ANAPC10: variants seen among roughly 807,000 people sequenced by gnomAD.
ANAPC10 encodes anaphase-promoting complex subunit 10.
A neutral mutation model predicts 22.0 loss-of-function variants in ANAPC10; 12 were observed. That is an observed-to-expected ratio of 0.55 (90% CI 0.35 to 0.88). The LOEUF (loss-of-function observed/expected upper bound fraction) is 0.88, where lower values mean the gene tolerates loss of function less well. Among genes scored for constraint, ANAPC10 ranks in the 40% least tolerant of loss-of-function variants. The pLI is 0.01. For synonymous variants in ANAPC10, 65 were observed against 69.5 expected (o/e 0.94, Z 0.32); for missense variants, 188 against 220.9 (o/e 0.85, Z 0.94).
intron 3 of ANAPC10, among the ~76,000 whole-genome samples, chr4:145,073,140 T>G (rs1744718424): frequency 6.6e-6 from 1 of 152,198 alleles, no homozygotes; most frequent in African/African-American, 2.4e-5. Context: ...ACAATCCTCC[T>G]ACCTCAGCCT....
In ANAPC10 at chr4:145,078,250, C is replaced by A. The variant is rs1289141298; in HGVS notation, c.206+3410G>T. ...ATAACATACAAGCTAAGTGCCAAATCAAGAACACAATTCCACTCAAAACAG... is the reference window on the plus strand; with the variant it reads ...ATAACATACAAGCTAAGTGCCAAATAAAGAACACAATTCCACTCAAAACAG... On this transcript the variant is annotated intron_variant, in intron 3 of 4. Coordinates refer to ENST00000507656, the MANE Select transcript of ANAPC10 (RefSeq NM_001256706.2). 2.0e-5 allele frequency among the ~76,000 whole-genome samples: 3 copies of A among 151,190 alleles called. No homozygotes were observed. In the East Asian group the frequency reaches 5.8e-4, roughly 29 times the overall value.
At chr4:145,013,600 T>C (rs1009038940) in intron 4 of ANAPC10, among the ~76,000 whole-genome samples, 2 of 152,132 alleles carry the variant, frequency 1.3e-5, no homozygotes, top group Non-Finnish European at 2.9e-5. Flanking sequence ...AGATTGCAGC[T>C]CTGACTCGGA....
At chr4:145,031,700 G>A (rs972431810) in intron 4 of ANAPC10, among the ~76,000 whole-genome samples, 1 of 152,232 alleles carries the variant, frequency 6.6e-6, no homozygotes, top group Non-Finnish European at 1.5e-5. Context: ...GTGGCAGATA[G>A]GGATGCTGTT....
At chr4:145,047,443 G>A (rs529050708) in intron 4 of ANAPC10, among the ~76,000 whole-genome samples, 1 of 152,228 alleles carries the variant, frequency 6.6e-6, no homozygotes, top group South Asian at 2.1e-4. Context: ...TATAACTTCA[G>A]GTTAAATGGA....
chr4:145,082,242 C>T (rs547062151), intron 2 of ANAPC10, among the ~76,000 whole-genome samples: 15 of 152,216 alleles, frequency 9.9e-5, no homozygotes, highest in South Asian at 2.1e-4. Context: ...CTCCGCCTCC[C>T]GGATTCAAGC....
At chr4:145,033,599 T>C (rs1737967042) in intron 4 of ANAPC10, among the ~76,000 whole-genome samples, 1 of 152,218 alleles carries the variant, frequency 6.6e-6, no homozygotes, top group South Asian at 2.1e-4. Flanking sequence ...AATATTACTA[T>C]GCCCTGTGAT....
At chr4:145,036,666 A>G (rs1738585116) in intron 4 of ANAPC10, among the ~76,000 whole-genome samples, 1 of 152,174 alleles carries the variant, frequency 6.6e-6, no homozygotes, top group Non-Finnish European at 1.5e-5. Flanking sequence ...CTTTTAACCT[A>G]CATACATGTT....
chr4:145,085,590 A>G (rs1335179983), intron 2 of ANAPC10, among the ~76,000 whole-genome samples: 1 of 152,172 alleles, frequency 6.6e-6, no homozygotes, highest in Non-Finnish European at 1.5e-5. Flanking sequence ...TAATTTATTC[A>G]GAATAAGAAA....
intron 4 of ANAPC10, among the ~76,000 whole-genome samples, chr4:145,014,054 CAATTTG>C (rs762447820): frequency 6.6e-6 from 1 of 152,130 alleles, no homozygotes; most frequent in African/African-American, 2.4e-5. Flanking sequence ...AATTTTGTAA[CAATTTG>C]AACTAGTCAA....
intron 3 of ANAPC10, among the ~76,000 whole-genome samples, chr4:145,080,256 TACC>T (rs1745804809): frequency 6.6e-6 from 1 of 151,806 alleles, no homozygotes; most frequent in Non-Finnish European, 1.5e-5. Context: ...CTATACTTAC[TACC>T]TGGATGACGA....
At position 145,027,627 on chromosome 4, in the gene ANAPC10, T is replaced by C. The variant is rs148756736; in HGVS notation, c.328-32024A>G. Among the ~76,000 whole-genome samples the C allele has an allele frequency of 2.1e-4, 32 of 152,200 alleles. No individual in the cohort carries two copies. In the East Asian group the frequency reaches 2.5e-3, roughly 12 times the overall value. On this transcript the variant is annotated intron_variant, in intron 4 of 4. Coordinates refer to ENST00000507656, the MANE Select transcript of ANAPC10 (RefSeq NM_001256706.2). ...TTATAAAAGCTACTTGAGAGAAAAA[T>C]AGATCACATGCAAAGCATCAGAAAT...
chr4:145,072,084 G>A (rs1250851021), intron 3 of ANAPC10, among the ~76,000 whole-genome samples: 3 of 152,092 alleles, frequency 2.0e-5, no homozygotes, highest in Non-Finnish European at 2.9e-5. Context: ...CCAAGTTTAG[G>A]GAGAGGAATA....
At chr4:144,996,686 A>G (rs1399210999) in intron 4 of ANAPC10, among the ~76,000 whole-genome samples, 2 of 152,234 alleles carry the variant, frequency 1.3e-5, no homozygotes, top group Non-Finnish European at 2.9e-5. Flanking sequence ...TCTCCTCCAA[A>G]GAAATGCAGC....
At chr4:145,084,436 G>A (rs555260065) in intron 2 of ANAPC10, among the ~76,000 whole-genome samples, 29 of 152,300 alleles carry the variant, frequency 1.9e-4, no homozygotes, top group African/African-American at 6.7e-4. Flanking sequence ...TTGGTGTGAA[G>A]CAGGAAATAA....
At chr4:145,097,672 A>G in intron 1 of ANAPC10, 1 of 481,470 alleles carries the variant, frequency 2.1e-6, no homozygotes, top group Non-Finnish European at 3.7e-6. Context: ...TCAGTTATGA[A>G]CTAGTTGTCA....
chr4:145,031,830 C>T (rs1396195649), intron 4 of ANAPC10, among the ~76,000 whole-genome samples: 2 of 152,166 alleles, frequency 1.3e-5, no homozygotes, highest in African/African-American at 4.8e-5. Context: ...CTTGACTGGG[C>T]TTTGGTGGAA....
chr4:145,080,113 CAAAAAAAAAAA>C (rs70956824), intron 3 of ANAPC10, among the ~76,000 whole-genome samples: 2 of 26,808 alleles, frequency 7.5e-5, no homozygotes, highest in East Asian at 1.2e-3. Context: ...GACTCTGTCT[CAAAAAAAAAAA>C]AAAAAAAAAA....
intron 4 of ANAPC10, among the ~76,000 whole-genome samples, chr4:145,061,235 A>G (rs757744092): frequency 2.4e-4 from 37 of 152,310 alleles, no homozygotes; most frequent in Non-Finnish European, 4.4e-4. Context: ...CTTAGATGAC[A>G]TAATAGAAGC....
chr4:145,059,513 T>C (rs1002441689), intron 4 of ANAPC10, among the ~76,000 whole-genome samples: 1 of 152,120 alleles, frequency 6.6e-6, no homozygotes, highest in African/African-American at 2.4e-5. Context: ...GCTCTTGTGC[T>C]CTATCAATAT....
Sources: gnomAD v4.1 joint callset for allele counts (sites outside exome capture counted in the v4.1 genomes callset) on GRCh38, gnomAD v4.1.1 for gene constraint, MANE v1.5 for transcripts, NCBI Gene and HGNC (gene_info 2026-07-23, HGNC 2026-07-21) for gene names.